The following USP9Y variants were observed in gnomAD, a reference collection of about 807,000 sequenced individuals.
USP9Y encodes the protein ubiquitin carboxyl-terminal hydrolase 9Y.
In USP9Y, 41 loss-of-function variants were observed where a neutral mutation model predicts 53.1. The ratio of observed to expected loss-of-function variants is 0.77; its 90% CI spans 0.60 to 1.00. The LOEUF (loss-of-function observed/expected upper bound fraction) is 1.00. USP9Y is among the 50% of genes least tolerant of loss of function. The probability of loss-of-function intolerance (pLI) is 0.00; values close to 1 mark genes in which losing one functional copy is unlikely to be tolerated. For missense variants in USP9Y, 567 were observed against 535.8 expected (o/e 1.06, Z -0.58); for synonymous variants, 220 against 173.7 (o/e 1.27, Z -2.09).
chrY:12,855,575 T>C, intron 42 of USP9Y, among the ~76,000 whole-genome samples: 1 of 33,664 alleles, frequency 3.0e-5, no homozygotes, highest in Non-Finnish European at 7.3e-5. Context: ...TATGTAAATA[T>C]GTTGCAGTTA....
At chrY:12,706,910 G>T in intron 1 of USP9Y, among the ~76,000 whole-genome samples, 4 of 32,782 alleles carry the variant, frequency 1.2e-4, no homozygotes, top group Admixed American at 8.2e-4. Context: ...AACAATCTAT[G>T]TCTGACTTAA....
chrY:12,742,537 A>G (rs1016365919), intron 12 of USP9Y, among the ~76,000 whole-genome samples: 1 of 32,987 alleles, frequency 3.0e-5, no homozygotes, highest in Non-Finnish European at 7.5e-5. Context: ...AGATTGGTGC[A>G]TTTGCAAACC....
chrY:12,716,683 A>T, intron 3 of USP9Y, among the ~76,000 whole-genome samples: 2 of 33,577 alleles, frequency 6.0e-5, no homozygotes, highest in Non-Finnish European at 1.5e-4. Flanking sequence ...AGCTCACTGG[A>T]AGCTCCGCCT....
rs2053545798 is a variant in USP9Y, at chrY:12,825,993, A to G, written c.5021+7383A>G. On this transcript the variant is annotated intron_variant, in intron 33 of 45. Transcript: ENST00000338981. The stretch of plus-strand genomic sequence containing the variant: ...CTCTTGTTGCCCAGGCTGAAATGCA[A>G]TGGTGTGATCTCGACTCACCACAAC... Among the ~76,000 whole-genome samples the G allele has an allele frequency of 1.0e-4, 3 of 30,035 alleles. No individual in the cohort carries two copies. The East Asian group carries it at 2.6e-3, about 26-fold the overall frequency. The allele number at this position is 30,035 out of a possible 37,273, so 80.6% of individuals were successfully genotyped here.
At chrY:12,756,197 T>C (rs2053468248) in intron 12 of USP9Y, among the ~76,000 whole-genome samples, 1 of 33,475 alleles carries the variant, frequency 3.0e-5, no homozygotes, top group Non-Finnish European at 7.4e-5. Flanking sequence ...CTTCTTTATC[T>C]TCCCACAGAT....
At chrY:12,731,131 A>G (rs2053446832) in intron 7 of USP9Y, among the ~76,000 whole-genome samples, 1 of 32,951 alleles carries the variant, frequency 3.0e-5, no homozygotes, top group Admixed American at 2.8e-4. Flanking sequence ...TGGAGATAGT[A>G]TTGCAGGTTG....
chrY:12,793,885 T>A, intron 27 of USP9Y, among the ~76,000 whole-genome samples: 1 of 33,412 alleles, frequency 3.0e-5, no homozygotes, highest in Non-Finnish European at 7.4e-5. Flanking sequence ...ATGTTGTTTA[T>A]ACATCGGTCT....
chrY:12,828,028 T>C (rs2053547820), intron 33 of USP9Y, among the ~76,000 whole-genome samples: 1 of 32,398 alleles, frequency 3.1e-5, no homozygotes, highest in Non-Finnish European at 7.5e-5. Context: ...AAAGATCTAT[T>C]AAATGTATTC....
Position 12,843,097 on chromosome Y carries a change from C to T in USP9Y, c.6472C>T (p.Leu2158=). The change falls in exon 39 of 46, where the codon CTA becomes TTA. Residue 2158 remains leucine (L), a synonymous_variant. Coordinates refer to ENST00000338981, the MANE Select transcript of USP9Y (RefSeq NM_004654.4). ...TAACTTGAGCTTGAGTGACCACTTA[C>T]TAAGAGCCACACTAAATCTCTTGAG... is the stretch of plus-strand genomic sequence containing the variant. ...CDNLSLSDHL[L]RATLNLLRRE... 1 of 396,537 alleles carries T rather than the reference C, an allele frequency of 2.5e-6. No individual in the cohort carries two copies. The highest frequency in any genetic ancestry group is 3.0e-5 in the South Asian group (1 of 33,708).
chrY:12,747,900 C>G, intron 12 of USP9Y, among the ~76,000 whole-genome samples: 2 of 33,880 alleles, frequency 5.9e-5, no homozygotes, highest in Non-Finnish European at 1.5e-4. Context: ...CCTGTAATTC[C>G]AGCACTTTGG....
intron 24 of USP9Y, among the ~76,000 whole-genome samples, chrY:12,788,357 T>G (rs2053504022): frequency 1.5e-4 from 5 of 34,005 alleles, no homozygotes; most frequent in Admixed American, 1.3e-3. Context: ...ACACAAGACT[T>G]TGCTGACATG....
chrY:12,852,473 T>G (rs939184816), intron 42 of USP9Y, among the ~76,000 whole-genome samples: 7 of 33,359 alleles, frequency 2.1e-4, no homozygotes, highest in Non-Finnish European at 4.4e-4. Context: ...CTCCCTTAGC[T>G]CGGAGTAGTT....
chrY:12,771,509 A>AT (rs2053486038), intron 16 of USP9Y, among the ~76,000 whole-genome samples: 5 of 34,000 alleles, frequency 1.5e-4, no homozygotes, highest in South Asian at 1.3e-3. Flanking sequence ...AATGACATGT[A>AT]TTTTTTTATG....
chrY:12,824,959 C>T, intron 33 of USP9Y, among the ~76,000 whole-genome samples: 2 of 32,632 alleles, frequency 6.1e-5, no homozygotes, highest in African/African-American at 2.4e-4. Flanking sequence ...CAGAGTCTTG[C>T]TCTGTAGCCT....
chrY:12,766,317 T>C, intron 15 of USP9Y, among the ~76,000 whole-genome samples: 3 of 33,704 alleles, frequency 8.9e-5, no homozygotes, highest in Non-Finnish European at 1.5e-4. Flanking sequence ...TAAAGTTCCT[T>C]ATGACTTGCT....
intron 3 of USP9Y, among the ~76,000 whole-genome samples, chrY:12,713,406 C>T (rs771278982): frequency 3.1e-5 from 1 of 32,276 alleles, no homozygotes; most frequent in African/African-American, 1.2e-4. Context: ...TTTATGTTAC[C>T]TTCATGCATT....
chrY:12,788,060 GAA>G, intron 24 of USP9Y, among the ~76,000 whole-genome samples: 1 of 33,613 alleles, frequency 3.0e-5, no homozygotes, highest in Admixed American at 2.7e-4. Flanking sequence ...AAAACGCAAA[GAA>G]AATTCTGAGG....
At chrY:12,800,099 C>T (rs1005567789) in intron 27 of USP9Y, among the ~76,000 whole-genome samples, 3 of 33,442 alleles carry the variant, frequency 9.0e-5, no homozygotes, top group African/African-American at 3.5e-4. Flanking sequence ...TCCAGGGAGG[C>T]GCCCATTGCC....
chrY:12,741,924 A>G (rs994128698), intron 12 of USP9Y, among the ~76,000 whole-genome samples: 2 of 33,549 alleles, frequency 6.0e-5, no homozygotes, highest in Non-Finnish European at 1.5e-4. Context: ...TCTTGTAATA[A>G]TATTCATCAT....
Sources: allele counts gnomAD v4.1 joint callset (sites outside exome capture counted in the v4.1 genomes callset), GRCh38; gene constraint gnomAD v4.1.1; transcripts MANE v1.5; gene names NCBI Gene and HGNC (gene_info 2026-07-23, HGNC 2026-07-21).